Variants in PIK3C3 observed in about 807,000 individuals in gnomAD.
PIK3C3 encodes phosphatidylinositol 3-kinase catalytic subunit type 3.
PIK3C3 carries 95 observed loss-of-function variants against 126.1 expected under a neutral mutation model. That is an observed-to-expected ratio of 0.75 (90% CI 0.64 to 0.89). PIK3C3 has a LOEUF of 0.89. Ranked by LOEUF, PIK3C3 falls within the 40% of genes least tolerant of loss-of-function variation. The pLI is 0.00. For missense variants in PIK3C3, 829 were observed against 1,063.2 expected (o/e 0.78, Z 3.06); for synonymous variants, 374 against 360.0 (o/e 1.04, Z -0.44).
At position 42,039,831 on chromosome 18, in the gene PIK3C3, TTTAC is replaced by T. The variant is rs577893745; in HGVS notation, c.2039-839_2039-836del. Among the ~76,000 whole-genome samples, 36 of 152,284 alleles carry T rather than the reference TTTAC, an allele frequency of 2.4e-4. No individual in the cohort carries two copies. The South Asian group carries it at 4.8e-3, about 20-fold the overall frequency. On this transcript the variant is annotated intron_variant, in intron 18 of 24. Coordinates refer to ENST00000262039, the MANE Select transcript of PIK3C3 (RefSeq NM_002647.4). ...ATGTAGGCAGTGTCAAACATCTATT[TTTAC>T]TTACTTGGCAAATTTCTTCCGACAT...
At chr18:42,031,623 T>C (rs1598913740) in intron 15 of PIK3C3, among the ~76,000 whole-genome samples, 2 of 152,118 alleles carry the variant, frequency 1.3e-5, no homozygotes, top group South Asian at 4.1e-4. Context: ...TTTCACTCTG[T>C]TGGCCAGGCT....
intron 1 of PIK3C3, among the ~76,000 whole-genome samples, chr18:41,956,669 A>G (rs1399452354): frequency 7.0e-6 from 1 of 143,680 alleles, no homozygotes; most frequent in Admixed American, 7.6e-5. Flanking sequence ...TCAGACATCT[A>G]TCTGGGGTAC....
intron 20 of PIK3C3, among the ~76,000 whole-genome samples, chr18:42,048,897 G>A (rs1294621112): frequency 2.6e-5 from 4 of 152,164 alleles, no homozygotes; most frequent in Non-Finnish European, 2.9e-5. Context: ...CCAAAAGGGT[G>A]CTATTTGCTA....
chr18:42,055,212 G>C (rs1452598115), intron 21 of PIK3C3, among the ~76,000 whole-genome samples: 1 of 152,024 alleles, frequency 6.6e-6, no homozygotes, highest in East Asian at 1.9e-4. Context: ...TTAAAAAAGA[G>C]CTTCGTACCT....
At chr18:42,030,380 G>C (rs1170148346) in intron 15 of PIK3C3, among the ~76,000 whole-genome samples, 1 of 152,178 alleles carries the variant, frequency 6.6e-6, no homozygotes, top group Non-Finnish European at 1.5e-5. Flanking sequence ...TGATATGAAA[G>C]ATTCGCTTGG....
At chr18:41,971,132 G>A (rs1980646070) in intron 4 of PIK3C3, 1 of 152,874 alleles carries the variant, frequency 6.5e-6, no homozygotes, top group Admixed American at 6.5e-5. Context: ...TTGCAACGCT[G>A]TCATTTATTT....
chr18:42,001,153 A>G (rs1048082315), intron 9 of PIK3C3, among the ~76,000 whole-genome samples: 2 of 152,252 alleles, frequency 1.3e-5, no homozygotes, highest in African/African-American at 4.8e-5. Context: ...TCAAATGAAT[A>G]AAACATAGTA....
intron 9 of PIK3C3, among the ~76,000 whole-genome samples, chr18:42,000,613 T>C (rs550349141): frequency 5.3e-5 from 8 of 152,256 alleles, no homozygotes; most frequent in South Asian, 4.1e-4. Flanking sequence ...TTCACACTTC[T>C]GATAAAGACA....
At chr18:42,040,412 T>A (rs12456573) in intron 18 of PIK3C3, among the ~76,000 whole-genome samples, 34,162 of 151,986 alleles carry the variant, frequency 0.22, 4,339 homozygotes, top group South Asian at 0.4. Context: ...CTTAGTCTAT[T>A]AGTTTTCGTT....
At chr18:41,959,880 T>C (rs1179254733) in intron 2 of PIK3C3, among the ~76,000 whole-genome samples, 1 of 152,162 alleles carries the variant, frequency 6.6e-6, no homozygotes, top group Non-Finnish European at 1.5e-5. Context: ...AAGTTGAATT[T>C]ATTGGTAGTT....
rs547753690 is a variant in PIK3C3, at chr18:42,038,738, A to G, written c.1969-43A>G. ...TTTGCCCACAAAACTGTCTTTTAAC[A>G]GTCTTTACATTTGGTTAATATATTT... On this transcript the variant is annotated intron_variant, in intron 17 of 24. Coordinates refer to ENST00000262039, the MANE Select transcript of PIK3C3 (RefSeq NM_002647.4). 2.0e-5 allele frequency: 24 copies of G among 1,213,780 alleles called. 1 individual carries two copies. The highest frequency in any genetic ancestry group is 1.6e-4 in the East Asian group (7 of 42,900). 75.2% of individuals were successfully genotyped at this position (1,213,780 alleles called of 1,614,324 possible). A position where few individuals can be genotyped will look rare whatever the true frequency, so the allele number is the denominator to read the frequency against.
chr18:42,033,913 G>A lies in PIK3C3; in HGVS notation c.1795G>A (p.Val599Met). 1 of 1,607,112 alleles carries A rather than the reference G, an allele frequency of 6.2e-7. No homozygotes were observed. The highest frequency in any genetic ancestry group is 1.1e-5 in the South Asian group (1 of 89,952). The part of the protein sequence containing the change: ...ELIPLPLEPQ[V>M]KIRGIIPETA... ...TATCCCGTTGCCTTTAGAACCCCAAGTGAAAATTAGAGGAATAATTCCGGA... is the reference window on the plus strand; with the variant it reads ...TATCCCGTTGCCTTTAGAACCCCAAATGAAAATTAGAGGAATAATTCCGGA... The change falls in exon 16 of 25, where the codon GTG (valine) becomes ATG (methionine). Residue 599 changes from valine (V) to methionine (M), a missense_variant. By Grantham distance (21) the Val-to-Met change is conservative. Transcript: ENST00000262039.
chr18:41,981,666 A>G (rs1434180208), intron 4 of PIK3C3, among the ~76,000 whole-genome samples: 1 of 152,090 alleles, frequency 6.6e-6, no homozygotes, highest in Non-Finnish European at 1.5e-5. Context: ...GTTATAAATT[A>G]CGGCATAGCT....
At chr18:41,996,032 A>C (rs1982008763) in intron 8 of PIK3C3, 38 bp downstream of exon 8, 1 of 1,350,084 alleles carries the variant, frequency 7.4e-7, no homozygotes, top group East Asian at 2.4e-5. Context: ...AAAATAGTTA[A>C]ATGGGTGTTC....
chr18:42,055,597 A>T (rs565611027), intron 21 of PIK3C3, among the ~76,000 whole-genome samples: 11 of 152,264 alleles, frequency 7.2e-5, no homozygotes, highest in Admixed American at 7.2e-4. Flanking sequence ...TATATAAAAA[A>T]TTGAAGAGTG....
intron 1 of PIK3C3, among the ~76,000 whole-genome samples, chr18:41,957,062 A>G (rs372690000): frequency 2.0e-5 from 3 of 152,226 alleles, no homozygotes; most frequent in East Asian, 1.9e-4. Flanking sequence ...TAGAATAAAA[A>G]CATGCAGTTA....
At position 42,004,492 on chromosome 18, in the gene PIK3C3, C is replaced by G; in HGVS notation, c.1121C>G (p.Pro374Arg). ...LELLSSHYTN[P>R]TVRRYAVARL... ...CTGTTATCCTCTCATTACACCAACC[C>G]AACTGTGAGGCGTTATGCTGTTGCC... Residue 374 changes from proline to arginine, a missense_variant, in exon 10 of 25, where the codon CCA becomes CGA. Pro to Arg is a moderately radical substitution (Grantham distance 103, BLOSUM62 -2). Coordinates refer to ENST00000262039, the MANE Select transcript of PIK3C3 (RefSeq NM_002647.4). The G allele has an allele frequency of 6.2e-7, 1 of 1,609,914 alleles. No homozygotes were observed. Among genetic ancestry groups the G allele is most frequent in the Middle Eastern group, 1.7e-4 (1 of 6,052 alleles).
chr18:42,007,168 T>C (rs1459081833), intron 10 of PIK3C3, among the ~76,000 whole-genome samples: 1 of 152,130 alleles, frequency 6.6e-6, no homozygotes, highest in Non-Finnish European at 1.5e-5. Context: ...ACACCCGGCC[T>C]TAAAAATCAT....
At chr18:41,991,291 C>T (rs570001170) in intron 6 of PIK3C3, among the ~76,000 whole-genome samples, 23 of 151,930 alleles carry the variant, frequency 1.5e-4, no homozygotes, top group Admixed American at 9.2e-4. Context: ...TGGTTGGCTG[C>T]GTGGGAAGAT....
Sources: gnomAD v4.1 joint callset for allele counts (sites outside exome capture counted in the v4.1 genomes callset) on GRCh38, gnomAD v4.1.1 for gene constraint, MANE v1.5 for transcripts, NCBI Gene and HGNC (gene_info 2026-07-23, HGNC 2026-07-21) for gene names.